LYPD6B: variants seen among roughly 807,000 people sequenced by gnomAD.
The protein encoded by LYPD6B is ly6/PLAUR domain-containing protein 6B.
Under a neutral mutation model 22.8 loss-of-function variants are expected in LYPD6B, and 17 were observed. The ratio of observed to expected loss-of-function variants is 0.75; its 90% CI spans 0.51 to 1.12. The LOEUF (loss-of-function observed/expected upper bound fraction) is 1.12. LYPD6B is among the 50% of genes most tolerant of loss of function. The probability of loss-of-function intolerance (pLI) is 0.00; values close to 1 mark genes in which losing one functional copy is unlikely to be tolerated. For synonymous variants in LYPD6B, 106 were observed against 91.6 expected (o/e 1.16, Z -0.90); for missense variants, 221 against 258.3 (o/e 0.86, Z 0.99).
chr2:149,190,185 T>C (rs953252701), intron 3 of LYPD6B, among the ~76,000 whole-genome samples: 4 of 152,224 alleles, frequency 2.6e-5, no homozygotes, highest in African/African-American at 7.2e-5. Context: ...TAAACACATA[T>C]AGTGTTTTTC....
chr2:149,048,141 G>T (rs370517994), intron 1 of LYPD6B, among the ~76,000 whole-genome samples: 21 of 151,878 alleles, frequency 1.4e-4, no homozygotes, highest in African/African-American at 4.4e-4. Flanking sequence ...ATGTCTTTTC[G>T]CAGTATGATC....
chr2:149,147,306 A>G (rs1271075284), intron 2 of LYPD6B, among the ~76,000 whole-genome samples: 1 of 152,180 alleles, frequency 6.6e-6, no homozygotes, highest in Non-Finnish European at 1.5e-5. Flanking sequence ...TTTACCTTTA[A>G]CTTGTGATAA....
At chr2:149,143,779 A>T (rs1054606286) in intron 2 of LYPD6B, 2 of 152,244 alleles carry the variant, frequency 1.3e-5, no homozygotes, top group African/African-American at 4.8e-5. Context: ...TCTTGGCATC[A>T]TCCCCACTTT....
intron 2 of LYPD6B, among the ~76,000 whole-genome samples, chr2:149,156,167 G>C (rs1689686338): frequency 6.6e-6 from 1 of 152,156 alleles, no homozygotes; most frequent in African/African-American, 2.4e-5. Context: ...TTTGAGAAGG[G>C]TGCAGAATGG....
At chr2:149,140,336 T>C (rs1023173200) in intron 2 of LYPD6B, among the ~76,000 whole-genome samples, 1 of 152,212 alleles carries the variant, frequency 6.6e-6, no homozygotes, top group East Asian at 1.9e-4. Flanking sequence ...AGAACCAAAG[T>C]GTGGGGAGAG....
At chr2:149,191,512 G>C (rs560662328) in intron 3 of LYPD6B, among the ~76,000 whole-genome samples, 25 of 152,078 alleles carry the variant, frequency 1.6e-4, no homozygotes, top group Non-Finnish European at 3.4e-4. Flanking sequence ...GTCTATGTCT[G>C]GACCGTCTAT....
At chr2:149,055,288 T>C (rs561573698) in intron 1 of LYPD6B, among the ~76,000 whole-genome samples, 29 of 152,362 alleles carry the variant, frequency 1.9e-4, no homozygotes, top group African/African-American at 6.7e-4. Flanking sequence ...AAATATTGAT[T>C]ATTGTTGCTT....
intron 3 of LYPD6B, among the ~76,000 whole-genome samples, chr2:149,184,291 G>C (rs2106011041): frequency 1.3e-5 from 2 of 152,312 alleles, no homozygotes; most frequent in Middle Eastern, 6.8e-3. Context: ...AATCCAGTGT[G>C]CAACATAATT....
chr2:149,055,760 C>G (rs1426418672), intron 1 of LYPD6B, among the ~76,000 whole-genome samples: 1 of 152,188 alleles, frequency 6.6e-6, no homozygotes, highest in Non-Finnish European at 1.5e-5. Flanking sequence ...TTAACTCTAA[C>G]AGTTTGCTGG....
chr2:149,141,547 A>G (rs941764038), intron 2 of LYPD6B, among the ~76,000 whole-genome samples: 1 of 152,200 alleles, frequency 6.6e-6, no homozygotes, highest in Middle Eastern at 3.4e-3. Context: ...TGATATATTG[A>G]ATTTTTTCTG....
intron 1 of LYPD6B, among the ~76,000 whole-genome samples, chr2:149,095,877 A>G (rs1273131842): frequency 6.6e-6 from 1 of 151,968 alleles, no homozygotes; most frequent in Non-Finnish European, 1.5e-5. Flanking sequence ...GCAGACAGAC[A>G]GAGAGATGGG....
At chr2:149,040,048 C>T (rs187006262) in intron 1 of LYPD6B, among the ~76,000 whole-genome samples, 6 of 152,048 alleles carry the variant, frequency 3.9e-5, no homozygotes, top group African/African-American at 1.2e-4. Context: ...TCTTGTATAT[C>T]TTAGCTGTTT....
intron 1 of LYPD6B, among the ~76,000 whole-genome samples, chr2:149,078,531 A>T (rs534341085): frequency 6.6e-6 from 1 of 152,172 alleles, no homozygotes; most frequent in South Asian, 2.1e-4. Flanking sequence ...AAGGGGAAAC[A>T]CTCTTCCAAT....
intron 1 of LYPD6B, among the ~76,000 whole-genome samples, chr2:149,051,151 C>T (rs1683532693): frequency 6.6e-6 from 1 of 151,668 alleles, no homozygotes; most frequent in Non-Finnish European, 1.5e-5. Flanking sequence ...TTAAATATCC[C>T]TGAACAATAT....
At chr2:149,079,620 T>C (rs1181753985) in intron 1 of LYPD6B, among the ~76,000 whole-genome samples, 5 of 152,222 alleles carry the variant, frequency 3.3e-5, no homozygotes, top group Non-Finnish European at 7.3e-5. Flanking sequence ...TTCTCTTTTT[T>C]TTCTTGCCTC....
intron 1 of LYPD6B, among the ~76,000 whole-genome samples, chr2:149,066,769 C>T (rs1026707776): frequency 1.3e-5 from 2 of 152,038 alleles, no homozygotes; most frequent in Non-Finnish European, 2.9e-5. Flanking sequence ...GCACTACTTC[C>T]TCTCTTTTCT....
At chr2:149,041,723 G>A (rs1683097319) in intron 1 of LYPD6B, among the ~76,000 whole-genome samples, 1 of 152,182 alleles carries the variant, frequency 6.6e-6, no homozygotes, top group South Asian at 2.1e-4. Context: ...TGCCTAGGGT[G>A]TGGCTGAGGG....
intron 3 of LYPD6B, among the ~76,000 whole-genome samples, chr2:149,167,280 G>A (rs986400156): frequency 2.0e-5 from 3 of 152,124 alleles, no homozygotes; most frequent in Non-Finnish European, 2.9e-5. Flanking sequence ...GGCAGGAAGC[G>A]TCTTTTGTTT....
At chr2:149,106,333 G>C (rs1351938350) in intron 1 of LYPD6B, among the ~76,000 whole-genome samples, 1 of 151,998 alleles carries the variant, frequency 6.6e-6, no homozygotes, top group African/African-American at 2.4e-5. Context: ...TAATTTTCTG[G>C]AAGTTTATAT....
Sources: gnomAD v4.1 joint callset for allele counts (sites outside exome capture counted in the v4.1 genomes callset) on GRCh38, gnomAD v4.1.1 for gene constraint, MANE v1.5 for transcripts, NCBI Gene and HGNC (gene_info 2026-07-23, HGNC 2026-07-21) for gene names.